The following COL22A1 variants were observed in gnomAD, a reference collection of about 807,000 sequenced individuals.
The protein encoded by COL22A1 is collagen type XXII alpha 1 chain, also known as collagen alpha-1(XXII) chain.
In COL22A1, 221 loss-of-function variants were observed where a neutral mutation model predicts 248.9. The ratio of observed to expected loss-of-function variants is 0.89; its 90% CI spans 0.80 to 0.99. COL22A1 has a LOEUF of 0.99. Among genes scored for constraint, COL22A1 ranks in the 50% least tolerant of loss-of-function variants. COL22A1 has a pLI of 0.00. For missense variants in COL22A1, 2,240 were observed against 2,179.0 expected (o/e 1.03, Z -0.56); for synonymous variants, 891 against 793.4 (o/e 1.12, Z -2.07).
rs1327177341 is a variant in COL22A1, at chr8:138,844,102, C to T, written c.715G>A (p.Gly239Arg). Residue 239 changes from glycine to arginine, a missense_variant, in exon 4 of 65, where the codon GGA becomes AGA. Coordinates refer to ENST00000303045, the MANE Select transcript of COL22A1 (RefSeq NM_152888.3). ...EGDRFKHTNG[G>R]TKEITGFDLM... ...CCCTTACCTGTGATTTCCTTGGTTCCTCCATTGGTGTGCTTAAAGCGATCT... is the reference window on the plus strand; with the variant it reads ...CCCTTACCTGTGATTTCCTTGGTTCTTCCATTGGTGTGCTTAAAGCGATCT... The T allele has an allele frequency of 6.2e-6, 10 of 1,614,028 alleles. No homozygotes were observed. The East Asian group carries it at 2.2e-4, about 36-fold the overall frequency.
In COL22A1 at chr8:138,594,794, C is replaced by T. The variant is rs531987321; in HGVS notation, c.4433-595G>A. 1.1e-4 allele frequency among the ~76,000 whole-genome samples: 16 copies of T among 152,226 alleles called. No homozygotes were observed. In the East Asian group the frequency reaches 3.1e-3, roughly 29 times the overall value. On this transcript the variant is annotated intron_variant, in intron 62 of 64. Transcript: ENST00000303045. ...CAATGGTCAGTTGGGGAAACTGATG[C>T]TGGGGTGGAGGAGGTAAATGGCTTA...
At chr8:138,645,983 C>A (rs892618564) in intron 47 of COL22A1, among the ~76,000 whole-genome samples, 1 of 152,188 alleles carries the variant, frequency 6.6e-6, no homozygotes, top group African/African-American at 2.4e-5. Flanking sequence ...AGCACTCAGG[C>A]AGTTTCTTCT....
intron 25 of COL22A1, among the ~76,000 whole-genome samples, chr8:138,722,947 T>A (rs1184091913): frequency 6.7e-6 from 1 of 149,630 alleles, no homozygotes; most frequent in Non-Finnish European, 1.5e-5. Context: ...AGCTAATGTA[T>A]GCTGGGCTTA....
intron 41 of COL22A1, among the ~76,000 whole-genome samples, chr8:138,673,062 C>T (rs1432042423): frequency 6.6e-6 from 1 of 152,204 alleles, no homozygotes; most frequent in Non-Finnish European, 1.5e-5. Context: ...TGGCCTCATT[C>T]ATCCCCCTGC....
intron 12 of COL22A1, among the ~76,000 whole-genome samples, chr8:138,791,518 C>A (rs1049313333): frequency 6.6e-6 from 1 of 152,190 alleles, no homozygotes; most frequent in Non-Finnish European, 1.5e-5. Context: ...CAAATAAAGA[C>A]ATCTGGAGCA....
chr8:138,798,898 C>A (rs987739167), intron 11 of COL22A1, among the ~76,000 whole-genome samples: 1 of 152,176 alleles, frequency 6.6e-6, no homozygotes, highest in Non-Finnish European at 1.5e-5. Context: ...ATCTGAGATG[C>A]CTTCAGCCAT....
In COL22A1 at chr8:138,646,543, A is replaced by T. The variant is rs528324145; in HGVS notation, c.3501+86T>A. ...TCTGATTTTAAAACCACTCCTTTACACTGGCCATCACTCTTCCTTAAATTG... is the reference window on the plus strand; with the variant it reads ...TCTGATTTTAAAACCACTCCTTTACTCTGGCCATCACTCTTCCTTAAATTG... On this transcript the variant is annotated intron_variant, in intron 47 of 64. Transcript: ENST00000303045. 9.4e-6 allele frequency: 10 copies of T among 1,062,514 alleles called. No individual in the cohort carries two copies. The East Asian group carries it at 2.8e-4, about 30-fold the overall frequency. The allele number at this position is 1,062,514 out of a possible 1,614,324, so 65.8% of individuals were successfully genotyped here.
At chr8:138,854,851 TGTG>T (rs1455419726) in intron 3 of COL22A1, among the ~76,000 whole-genome samples, 7 of 151,666 alleles carry the variant, frequency 4.6e-5, no homozygotes, top group South Asian at 2.1e-4. Flanking sequence ...ATGATGGTGA[TGTG>T]GATGAGGTGG....
intron 32 of COL22A1, 118 bp downstream of exon 32, chr8:138,699,994 G>A (rs1448795237): frequency 7.5e-6 from 7 of 930,330 alleles, no homozygotes; most frequent in Admixed American, 2.0e-5. Context: ...ATCCCTGACA[G>A]TGATGAACGC....
rs1822268280 is a variant in COL22A1, at chr8:138,647,093, G to GC, written c.3448-412dup. On this transcript the variant is annotated intron_variant, in intron 46 of 64. Transcript: ENST00000303045. ...CCACCTTGGCCTGCTACCATCCCCC[G>GC]CCCCCCACCTTGCACTTTTTCTATC... Among the ~76,000 whole-genome samples the GC allele has an allele frequency of 2.0e-5, 3 of 151,864 alleles. 1 individual carries two copies. The highest frequency in any genetic ancestry group is 4.2e-4 in the South Asian group (2 of 4,804).
chr8:138,842,227 T>A (rs903147283), intron 4 of COL22A1, among the ~76,000 whole-genome samples: 5 of 152,124 alleles, frequency 3.3e-5, no homozygotes, highest in Non-Finnish European at 5.9e-5. Flanking sequence ...TATAGAGGAG[T>A]GCATCTCATG....
intron 1 of COL22A1, among the ~76,000 whole-genome samples, chr8:138,905,432 G>A (rs1401784710): frequency 6.6e-6 from 1 of 152,190 alleles, no homozygotes; most frequent in Non-Finnish European, 1.5e-5. Flanking sequence ...GCCAGTGGCT[G>A]AGCTCAGACT....
At chr8:138,727,465 GCGCTCAGTA>G (rs1455441190) in intron 23 of COL22A1, among the ~76,000 whole-genome samples, 1 of 152,184 alleles carries the variant, frequency 6.6e-6, no homozygotes, top group Non-Finnish European at 1.5e-5. Context: ...CATCCAGCAG[GCGCTCAGTA>G]AATGCTTGAG....
intron 41 of COL22A1, among the ~76,000 whole-genome samples, chr8:138,672,961 TG>T (rs1175088975): frequency 6.6e-6 from 1 of 152,208 alleles, no homozygotes; most frequent in Non-Finnish European, 1.5e-5. Context: ...ACTTAAACAT[TG>T]CTAAGGGAAC....
At chr8:138,841,995 G>A (rs922356293) in intron 4 of COL22A1, among the ~76,000 whole-genome samples, 2 of 152,172 alleles carry the variant, frequency 1.3e-5, no homozygotes, top group South Asian at 2.1e-4. Context: ...ACGGCTTTCA[G>A]TTCTTCACTC....
intron 45 of COL22A1, among the ~76,000 whole-genome samples, chr8:138,652,735 G>GTTTTTTTTTTTTTTTTTTTTTTTTTTT (rs71316352): frequency 3.7e-5 from 2 of 54,282 alleles, no homozygotes; most frequent in African/African-American, 5.9e-5. Context: ...TCCTTTTCTG[G>GTTTTTTTTTTTTTTTTTTTTTTTTTTT]TTTTTTTTTT....
At chr8:138,767,164 A>C (rs1368595302) in intron 16 of COL22A1, among the ~76,000 whole-genome samples, 1 of 152,216 alleles carries the variant, frequency 6.6e-6, no homozygotes, top group African/African-American at 2.4e-5. Context: ...CACGTGAGCT[A>C]ATCTACGTGA....
intron 55 of COL22A1, 141 bp from the exon 56 acceptor site, chr8:138,614,061 T>C (rs1819118944): frequency 9.9e-6 from 7 of 704,454 alleles, no homozygotes; most frequent in Non-Finnish European, 1.8e-5. Context: ...TCATTAATTG[T>C]CCATTATTCC....
At chr8:138,866,640 T>C (rs1282307742) in intron 3 of COL22A1, among the ~76,000 whole-genome samples, 6 of 152,228 alleles carry the variant, frequency 3.9e-5, no homozygotes, top group Non-Finnish European at 7.3e-5. Flanking sequence ...CAGTCTCCAC[T>C]TTACTCGGGA....
Sources: gnomAD v4.1 joint callset for allele counts (sites outside exome capture counted in the v4.1 genomes callset) on GRCh38, gnomAD v4.1.1 for gene constraint, MANE v1.5 for transcripts, NCBI Gene and HGNC (gene_info 2026-07-23, HGNC 2026-07-21) for gene names.